The following DLGAP1 variants were observed in gnomAD, a reference collection of about 807,000 sequenced individuals.
DLGAP1 encodes disks large-associated protein 1.
Under a neutral mutation model 90.8 loss-of-function variants are expected in DLGAP1, and 11 were observed. The ratio of observed to expected loss-of-function variants is 0.12; its 90% CI spans 0.08 to 0.20. The LOEUF (loss-of-function observed/expected upper bound fraction) is 0.20, where lower values mean the gene tolerates loss of function less well. Ranked by LOEUF, DLGAP1 falls within the 10% of genes least tolerant of loss-of-function variation. The pLI is 1.00. For synonymous variants in DLGAP1, 558 were observed against 540.7 expected, an observed-to-expected ratio of 1.03 and a Z score of -0.44; for missense variants, 1,050 against 1,333.8, an observed-to-expected ratio of 0.79 and a Z score of 3.31.
At chr18:4,390,348 T>A (rs920979387) in intron 1 of DLGAP1, among the ~76,000 whole-genome samples, 1 of 152,086 alleles carries the variant, frequency 6.6e-6, no homozygotes, top group African/African-American at 2.4e-5. Context: ...TTGTAATTGA[T>A]GAACCTCTAT....
At chr18:3,598,079 G>C (rs577387193) in intron 7 of DLGAP1, 1 of 152,250 alleles carries the variant, frequency 6.6e-6, no homozygotes, top group Non-Finnish European at 1.5e-5. Flanking sequence ...GGCCGGGTGC[G>C]GTGGCTCACG....
intron 1 of DLGAP1, among the ~76,000 whole-genome samples, chr18:4,209,721 G>T (rs145189166): frequency 9.2e-5 from 14 of 152,212 alleles, no homozygotes; most frequent in African/African-American, 3.4e-4. Context: ...ATTTATAAAG[G>T]TTAATTCATC....
intron 1 of DLGAP1, among the ~76,000 whole-genome samples, chr18:4,403,711 G>A (rs1470959677): frequency 6.6e-6 from 1 of 152,050 alleles, no homozygotes; most frequent in Non-Finnish European, 1.5e-5. Context: ...TATTTAAAAG[G>A]CTGAGATTGT....
intron 1 of DLGAP1, among the ~76,000 whole-genome samples, chr18:4,337,952 G>A (rs62085606): frequency 0.067 from 10,169 of 151,692 alleles, 373 homozygotes; most frequent in Non-Finnish European, 0.08. Context: ...CTTCTGTTTC[G>A]CTTTTAAAAA....
At chr18:3,814,970 GTC>G (rs1348830048) in intron 4 of DLGAP1, among the ~76,000 whole-genome samples, 22 of 152,026 alleles carry the variant, frequency 1.4e-4, no homozygotes, top group African/African-American at 5.3e-4. Context: ...ACAAATCCAC[GTC>G]TCTCAGTCTT....
chr18:4,420,848 T>G (rs2083012985), intron 1 of DLGAP1, among the ~76,000 whole-genome samples: 1 of 152,194 alleles, frequency 6.6e-6, no homozygotes, highest in Non-Finnish European at 1.5e-5. Context: ...GAATTGTGCA[T>G]CTTATCATTT....
At chr18:4,005,344 T>A (rs2149083569) in intron 2 of DLGAP1, 143 bp from the exon 3 acceptor site, 1 of 152,328 alleles carries the variant, frequency 6.6e-6, no homozygotes, top group South Asian at 2.1e-4. Context: ...TGTTTGAATC[T>A]TCAAATTATT....
chr18:3,856,079 A>C (rs2069626263), intron 4 of DLGAP1, among the ~76,000 whole-genome samples: 1 of 152,168 alleles, frequency 6.6e-6, no homozygotes, highest in Non-Finnish European at 1.5e-5. Flanking sequence ...GCAAGGAGTC[A>C]ATCTATGTGT....
Position 3,522,135 on chromosome 18 carries a change from C to CTT in DLGAP1, c.2479+12057_2479+12058dup, listed in dbSNP as rs11374414. Among the ~76,000 whole-genome samples the CTT allele has an allele frequency of 4.1e-3, 404 of 98,214 alleles. 14 individuals are homozygous for CTT. The highest frequency in any genetic ancestry group is 0.016 in the Middle Eastern group (2 of 126). 64.4% of individuals were successfully genotyped at this position (98,214 alleles called of 152,430 possible). A position where few individuals can be genotyped will look rare whatever the true frequency, so the allele number is the denominator to read the frequency against. On this transcript the variant is annotated intron_variant, in intron 10 of 12. Transcript: ENST00000315677. ...TACCCACTTGCCTTTTTCTTTCTTG[C>CTT]TTTTTTTTTTTTTTTTTTTAGACAG...
At chr18:3,690,504 A>T (rs2060856474) in intron 7 of DLGAP1, among the ~76,000 whole-genome samples, 1 of 152,164 alleles carries the variant, frequency 6.6e-6, no homozygotes, top group Non-Finnish European at 1.5e-5. Flanking sequence ...TCCAAAGACG[A>T]GCTGGGGCCC....
chr18:4,101,097 T>C (rs1345111288), intron 2 of DLGAP1, among the ~76,000 whole-genome samples: 1 of 152,216 alleles, frequency 6.6e-6, no homozygotes, highest in Non-Finnish European at 1.5e-5. Flanking sequence ...CTTGGCTAAC[T>C]TTTTGGTGCA....
chr18:3,568,936 T>A (rs1396580124), intron 8 of DLGAP1, among the ~76,000 whole-genome samples: 4 of 151,990 alleles, frequency 2.6e-5, no homozygotes, highest in African/African-American at 9.7e-5. Flanking sequence ...TCCGCCCGCC[T>A]CGGCCTCCCA....
rs555834953 is a variant in DLGAP1 at position 4,378,944 on chromosome 18, G to T, written c.-267+76062C>A. Among the ~76,000 whole-genome samples the T allele has an allele frequency of 6.6e-5, 10 of 152,254 alleles. No individual in the cohort carries two copies. The highest frequency in any genetic ancestry group is 2.4e-4 in the African/African-American group (10 of 41,550). ...CACCCACCACTCCCCTCCAGAGAGA[G>T]TGAGTCCCTGCTTATCCATGTTCAC... On this transcript the variant is annotated intron_variant, in intron 1 of 12. Transcript: ENST00000315677. The surrounding 1 kb of genome is among the most constrained non-coding windows in gnomAD (Gnocchi z 4.5).
intron 7 of DLGAP1, among the ~76,000 whole-genome samples, chr18:3,609,277 G>A (rs1418826058): frequency 6.6e-6 from 1 of 152,098 alleles, no homozygotes. Flanking sequence ...AAATTCCTGG[G>A]CTCAAGTGAT....
chr18:4,203,564 G>A (rs919281318), intron 1 of DLGAP1, among the ~76,000 whole-genome samples: 1 of 152,036 alleles, frequency 6.6e-6, no homozygotes, highest in Non-Finnish European at 1.5e-5. Flanking sequence ...ATCTTAAAAC[G>A]TAGGGGCATT....
chr18:4,173,097 G>A (rs1271154908), intron 1 of DLGAP1, among the ~76,000 whole-genome samples: 1 of 152,190 alleles, frequency 6.6e-6, no homozygotes, highest in Non-Finnish European at 1.5e-5. Context: ...ATCAGTACTT[G>A]AGAAATATTA....
intron 5 of DLGAP1, among the ~76,000 whole-genome samples, chr18:3,798,226 T>C (rs561822614): frequency 7.0e-4 from 107 of 152,266 alleles, no homozygotes; most frequent in African/African-American, 2.6e-3. Context: ...ATCATTCAAC[T>C]TGCCAGTGAA....
intron 1 of DLGAP1, among the ~76,000 whole-genome samples, chr18:4,349,802 C>A (rs546818169): frequency 2.6e-4 from 39 of 152,054 alleles, no homozygotes; most frequent in Admixed American, 5.2e-4. Flanking sequence ...ACAGAAAGGC[C>A]TTTGGGTGGA....
chr18:4,181,998 C>A (rs1056521738), intron 1 of DLGAP1, among the ~76,000 whole-genome samples: 5 of 152,122 alleles, frequency 3.3e-5, no homozygotes, highest in African/African-American at 4.8e-5. Context: ...CCTGCTCCAG[C>A]CTATTTTTCA....
Sources: allele counts gnomAD v4.1 joint callset (sites outside exome capture counted in the v4.1 genomes callset), GRCh38; gene constraint gnomAD v4.1.1; non-coding constraint Gnocchi (gnomAD v3.1); transcripts MANE v1.5; gene names NCBI Gene and HGNC (gene_info 2026-07-23, HGNC 2026-07-21).